The following PNPLA8 variants were observed in gnomAD, a reference collection of about 807,000 sequenced individuals.
PNPLA8 encodes the protein patatin like domain 8, phospholipase A2.
A neutral mutation model predicts 76.9 loss-of-function variants in PNPLA8; 39 were observed. The observed-to-expected ratio is 0.51, with a 90% confidence interval of 0.39 to 0.66. The LOEUF (loss-of-function observed/expected upper bound fraction) is 0.66. Among genes scored for constraint, PNPLA8 ranks in the 30% least tolerant of loss-of-function variants. The probability of loss-of-function intolerance (pLI) is 0.00; values close to 1 mark genes in which losing one functional copy is unlikely to be tolerated. For synonymous variants in PNPLA8, 301 were observed against 307.9 expected, an observed-to-expected ratio of 0.98 and a Z score of 0.24; for missense variants, 887 against 918.0, an observed-to-expected ratio of 0.97 and a Z score of 0.44.
chr7:108,518,561 G>A (rs563133910), intron 2 of PNPLA8, among the ~76,000 whole-genome samples: 8 of 151,904 alleles, frequency 5.3e-5, no homozygotes, highest in Admixed American at 2.6e-4. Context: ...ACTCTGGTGG[G>A]TGATGCCGAT....
chr7:108,478,914 A>G (rs1246373186), intron 10 of PNPLA8, among the ~76,000 whole-genome samples: 2 of 152,218 alleles, frequency 1.3e-5, no homozygotes, highest in Non-Finnish European at 2.9e-5. Context: ...GTCTCCAACA[A>G]AATGTTGTGC....
chr7:108,515,731 A>C (rs1470111871), intron 2 of PNPLA8, among the ~76,000 whole-genome samples, 157 bp from the exon 3 acceptor site: 1 of 152,246 alleles, frequency 6.6e-6, no homozygotes, highest in African/African-American at 2.4e-5. Flanking sequence ...TTTTTAAGCT[A>C]ATAGAAAATA....
chr7:108,500,381 C>T (rs764079856), intron 5 of PNPLA8, among the ~76,000 whole-genome samples: 2 of 152,200 alleles, frequency 1.3e-5, no homozygotes, highest in Non-Finnish European at 2.9e-5. Context: ...AAGATTATTT[C>T]ACTTTCCTGA....
At chr7:108,505,610 C>T (rs891371881) in intron 4 of PNPLA8, among the ~76,000 whole-genome samples, 2 of 151,514 alleles carry the variant, frequency 1.3e-5, no homozygotes, top group African/African-American at 4.9e-5. Flanking sequence ...ATCTGCCCAC[C>T]TCAGCCTCCC....
At chr7:108,488,155 G>A (rs745868265) in intron 8 of PNPLA8, among the ~76,000 whole-genome samples, 1 of 152,086 alleles carries the variant, frequency 6.6e-6, no homozygotes, top group African/African-American at 2.4e-5. Context: ...GCAATTCTGA[G>A]AAATTTATTA....
rs1156448417 is a variant in PNPLA8 at position 108,515,216 on chromosome 7, C to T, written c.276G>A (p.Lys92=). The change falls in exon 3 of 11, where the codon AAG becomes AAA. Residue 92 remains lysine (K), a synonymous_variant. Coordinates refer to ENST00000257694, the MANE Select transcript of PNPLA8 (RefSeq NM_001256007.3). ...TACAAATGTTCACTTTTGTAAGTCC[C>T]TTGGGAGCAGAAGTGCTAAGTTTCA... The part of the protein sequence containing the change: ...GILKLSTSAP[K]GLTKVNICMS... 2 of 1,604,324 alleles carry T rather than the reference C, an allele frequency of 1.2e-6. No individual in the cohort carries two copies. Among genetic ancestry groups the T allele is most frequent in the Non-Finnish European group, 8.5e-7 (1 of 1,173,586 alleles).
At position 108,512,508 on chromosome 7, in the gene PNPLA8, T is replaced by G. The variant is rs1039351485; in HGVS notation, c.1206+1636A>C. ...ACAAAATAAGTAACTCATTTTTTTT[T>G]AGGGCATTACGTATCAGACATAATT... On this transcript the variant is annotated intron_variant, in intron 4 of 10. Coordinates refer to ENST00000257694, the MANE Select transcript of PNPLA8 (RefSeq NM_001256007.3). Among the ~76,000 whole-genome samples, 58 of 152,176 alleles carry G rather than the reference T, an allele frequency of 3.8e-4. 1 individual carries two copies. Among genetic ancestry groups the G allele is most frequent in the African/African-American group, 1.4e-3 (56 of 41,450 alleles).
Position 108,475,240 on chromosome 7 carries a change from T to C in PNPLA8, c.2075-2565A>G, listed in dbSNP as rs181522107. ...TACATTATGGTGAGCTGTATACTTA[T>C]TATATATTACAATGTAATAATACTA... On this transcript the variant is annotated intron_variant, in intron 10 of 10. Coordinates refer to ENST00000257694, the MANE Select transcript of PNPLA8 (RefSeq NM_001256007.3). Among the ~76,000 whole-genome samples the C allele has an allele frequency of 1.2e-3, 187 of 152,318 alleles. 1 individual carries two copies. The highest frequency in any genetic ancestry group is 4.4e-3 in the African/African-American group (181 of 41,576).
chr7:108,487,726 A>G, intron 9 of PNPLA8, 33 bp downstream of exon 9: 1 of 1,400,974 alleles, frequency 7.1e-7, no homozygotes, highest in Non-Finnish European at 9.9e-7. Context: ...ATCATGTAAA[A>G]TTTAAAAAAA....
intron 2 of PNPLA8, among the ~76,000 whole-genome samples, chr7:108,516,738 C>A (rs950435463): frequency 1.3e-5 from 2 of 151,858 alleles, no homozygotes; most frequent in Non-Finnish European, 2.9e-5. Flanking sequence ...CCATCTCTAC[C>A]AAAAATACAA....
At chr7:108,509,886 A>G (rs913965574) in intron 4 of PNPLA8, among the ~76,000 whole-genome samples, 1 of 145,932 alleles carries the variant, frequency 6.9e-6, no homozygotes, top group Non-Finnish European at 1.5e-5. Context: ...AGGGACATGG[A>G]TGAAATTGGA....
chr7:108,502,724 G>A, intron 4 of PNPLA8, 82 bp from the exon 5 acceptor site: 2 of 922,514 alleles, frequency 2.2e-6, no homozygotes, highest in Non-Finnish European at 3.3e-6. Flanking sequence ...AATACATGCA[G>A]TTCACCACAT....
At chr7:108,511,457 T>C in intron 4 of PNPLA8, among the ~76,000 whole-genome samples, 1 of 152,166 alleles carries the variant, frequency 6.6e-6, no homozygotes, top group East Asian at 1.9e-4. Flanking sequence ...CAACAAAATG[T>C]TTAACTCAAT....
At chr7:108,503,481 C>T (rs1220887948) in intron 4 of PNPLA8, among the ~76,000 whole-genome samples, 4 of 152,190 alleles carry the variant, frequency 2.6e-5, no homozygotes, top group Non-Finnish European at 5.9e-5. Flanking sequence ...TAATATTGAG[C>T]TGTGAGGCCC....
intron 4 of PNPLA8, among the ~76,000 whole-genome samples, chr7:108,505,516 C>T (rs1359057414): frequency 1.3e-5 from 2 of 150,746 alleles, no homozygotes; most frequent in Non-Finnish European, 3.0e-5. Flanking sequence ...GCGCACGCCA[C>T]CAAGCCCAGC....
At chr7:108,506,892 G>A (rs988991012) in intron 4 of PNPLA8, among the ~76,000 whole-genome samples, 2 of 152,146 alleles carry the variant, frequency 1.3e-5, no homozygotes, top group African/African-American at 4.8e-5. Flanking sequence ...TGTATTTCAT[G>A]TGTGAAAAAT....
At chr7:108,483,465 C>T (rs545599162) in intron 9 of PNPLA8, among the ~76,000 whole-genome samples, 20 of 152,292 alleles carry the variant, frequency 1.3e-4, no homozygotes, top group Middle Eastern at 3.4e-3. Context: ...TTCAAAGTCA[C>T]GCATTGAACT....
intron 2 of PNPLA8, among the ~76,000 whole-genome samples, chr7:108,521,274 T>A (rs1863720396): frequency 6.6e-6 from 1 of 151,934 alleles, no homozygotes; most frequent in Non-Finnish European, 1.5e-5. Context: ...GACAGCAAAA[T>A]CTTAGAAATG....
At chr7:108,521,815 A>T (rs1223656774) in intron 1 of PNPLA8, among the ~76,000 whole-genome samples, 1 of 152,232 alleles carries the variant, frequency 6.6e-6, no homozygotes, top group Non-Finnish European at 1.5e-5. Context: ...ATAGAATGAT[A>T]AAGATGAACC....
Sources: gnomAD v4.1 joint callset for allele counts (sites outside exome capture counted in the v4.1 genomes callset) on GRCh38, gnomAD v4.1.1 for gene constraint, MANE v1.5 for transcripts, NCBI Gene and HGNC (gene_info 2026-07-23, HGNC 2026-07-21) for gene names.